Variants in SLC1A7 observed in about 807,000 individuals in gnomAD.
The protein encoded by SLC1A7 is excitatory amino acid transporter 5.
SLC1A7 carries 40 observed loss-of-function variants against 47.7 expected under a neutral mutation model. That is an observed-to-expected ratio of 0.84 (90% CI 0.65 to 1.09). SLC1A7 has a LOEUF of 1.09. Ranked by LOEUF, SLC1A7 falls within the 50% of genes least tolerant of loss-of-function variation. The pLI is 0.00. For synonymous variants in SLC1A7, 323 were observed against 325.6 expected (o/e 0.99, Z 0.09); for missense variants, 746 against 769.5 (o/e 0.97, Z 0.36).
intron 2 of SLC1A7, among the ~76,000 whole-genome samples, chr1:53,123,069 G>A (rs1644842307): frequency 6.6e-6 from 1 of 152,168 alleles, no homozygotes; most frequent in African/African-American, 2.4e-5. Context: ...GCTTGAACTG[G>A]ATCAAAAGCA....
rs866534556 is a variant in SLC1A7 at position 53,097,342 on chromosome 1, C to T, written c.698-3782G>A. 4.0e-5 allele frequency among the ~76,000 whole-genome samples: 6 copies of T among 150,822 alleles called. 1 individual carries two copies. Among genetic ancestry groups the T allele is most frequent in the Non-Finnish European group, 8.9e-5 (6 of 67,758 alleles). On this transcript the variant is annotated intron_variant, in intron 5 of 10. Coordinates refer to ENST00000371494, the MANE Select transcript of SLC1A7 (RefSeq NM_006671.6). ...TGCCTTGGTGCACTCACACAACCTG[C>T]CTCCGTGTACTCACACACACCCCCT... is the stretch of plus-strand genomic sequence containing the variant.
intron 5 of SLC1A7, among the ~76,000 whole-genome samples, chr1:53,099,951 A>G (rs1572309363): frequency 7.1e-6 from 1 of 139,902 alleles, no homozygotes; most frequent in African/African-American, 2.7e-5. Flanking sequence ...ACACCACACC[A>G]CCTCGTTATA....
intron 4 of SLC1A7, among the ~76,000 whole-genome samples, chr1:53,105,120 A>ATATATAAAT (rs1162368013): frequency 2.6e-5 from 4 of 152,238 alleles, no homozygotes; most frequent in Non-Finnish European, 4.4e-5. Flanking sequence ...ATTATTTAAA[A>ATATATAAAT]ATAAGCAGAA....
At chr1:53,107,301 TAAAG>T (rs1366532637) in intron 3 of SLC1A7, among the ~76,000 whole-genome samples, 1 of 148,732 alleles carries the variant, frequency 6.7e-6, no homozygotes, top group Admixed American at 6.7e-5. Context: ...TACATGAAAA[TAAAG>T]AAATCCCTAA....
rs41298519 is a variant in SLC1A7, at chr1:53,087,778, C to T, written c.*231G>A. On this transcript the variant is annotated 3_prime_UTR_variant, in exon 11 of 11. Transcript: ENST00000371494. ...GCTCACACCGGGGAAACTGTCACAG[C>T]GGGGCCTCAGGCAATGCCGGGCCCA... 1.9e-3 allele frequency: 680 copies of T among 363,000 alleles called. 3 individuals carry two copies. Among genetic ancestry groups the T allele is most frequent in the East Asian group, 1.7e-3 (43 of 25,430 alleles). 22.5% of individuals were successfully genotyped at this position (363,000 alleles called of 1,614,324 possible). A position where few individuals can be genotyped will look rare whatever the true frequency, so the allele number is the denominator to read the frequency against.
At chr1:53,114,548 C>T in intron 3 of SLC1A7, 1 of 589,884 alleles carries the variant, frequency 1.7e-6, no homozygotes, top group Non-Finnish European at 3.0e-6. Context: ...CAGAGAGGGG[C>T]AGACCCCGTC....
chr1:53,103,104 C>T, intron 5 of SLC1A7: 1 of 431,142 alleles, frequency 2.3e-6, no homozygotes, highest in South Asian at 4.7e-5. Context: ...GGCAGGGATG[C>T]CAGCTGCGGG....
intron 5 of SLC1A7, among the ~76,000 whole-genome samples, chr1:53,100,833 C>T (rs991326241): frequency 5.3e-5 from 8 of 150,022 alleles, no homozygotes; most frequent in South Asian, 2.1e-4. Context: ...CACATCACCT[C>T]GGTACACTGC....
chr1:53,105,544 G>A (rs1036451894), intron 4 of SLC1A7, among the ~76,000 whole-genome samples, 188 bp downstream of exon 4: 1 of 152,124 alleles, frequency 6.6e-6, no homozygotes, highest in Non-Finnish European at 1.5e-5. Context: ...CCCAGGACAG[G>A]GATGTGGCCA....
At position 53,097,273 on chromosome 1, in the gene SLC1A7, C is replaced by T. The variant is rs532873579; in HGVS notation, c.698-3713G>A. ...TTTTTCTCGGTACACTCACACACCC[C>T]GCCTTGGTACACTCACACAACCCAC... On this transcript the variant is annotated intron_variant, in intron 5 of 10. Coordinates refer to ENST00000371494, the MANE Select transcript of SLC1A7 (RefSeq NM_006671.6). 3.2e-3 allele frequency among the ~76,000 whole-genome samples: 474 copies of T among 148,980 alleles called. 3 individuals carry two copies. The highest frequency in any genetic ancestry group is 0.011 in the African/African-American group (453 of 40,154).
intron 9 of SLC1A7, 30 bp downstream of exon 9, chr1:53,089,770 G>A (rs751083102): frequency 1.2e-6 from 2 of 1,611,900 alleles, no homozygotes; most frequent in Admixed American, 3.3e-5. Context: ...CCCTCCCAGA[G>A]GGCTAGAGCT....
chr1:53,108,738 G>A (rs1644672168), intron 3 of SLC1A7: 2 of 692,766 alleles, frequency 2.9e-6, no homozygotes, highest in African/African-American at 3.6e-5. Flanking sequence ...GGAGGGCAGG[G>A]CCTGGGACCC....
chr1:53,097,765 A>G (rs61769975), intron 5 of SLC1A7, among the ~76,000 whole-genome samples: 86 of 130,008 alleles, frequency 6.6e-4, no homozygotes, highest in Non-Finnish European at 2.1e-4. Context: ...GTACACTCAC[A>G]CACAGCACCT....
At position 53,105,771 on chromosome 1, in the gene SLC1A7, G is replaced by C; in HGVS notation, c.435C>G (p.Asn145Lys). 6.2e-7 allele frequency: 1 copy of C among 1,613,244 alleles called. No individual in the cohort carries two copies. Among genetic ancestry groups the C allele is most frequent in the Non-Finnish European group, 8.5e-7 (1 of 1,179,410 alleles). ...CTTCTACTAGGTTGGCTGGGAACATGTTCCTAGGAAGAGAATCAGCAATTG... is the reference window on the plus strand; with the variant it reads ...CTTCTACTAGGTTGGCTGGGAACATCTTCCTAGGAAGAGAATCAGCAATTG... ...SADALLDLIR[N>K]MFPANLVEAT... The change falls in exon 4 of 11, where the codon AAC becomes AAG. Residue 145 changes from asparagine (N) to lysine (K), a missense_variant. Asn to Lys is a moderately conservative substitution (Grantham distance 94). Transcript: ENST00000371494.
chr1:53,101,257 A>T (rs139770610), intron 5 of SLC1A7, among the ~76,000 whole-genome samples: 1 of 141,350 alleles, frequency 7.1e-6, no homozygotes, highest in East Asian at 2.1e-4. Context: ...CGGTACACTC[A>T]CACACCCCAC....
chr1:53,100,480 TCA>T (rs1408181448), intron 5 of SLC1A7, among the ~76,000 whole-genome samples: 15 of 148,548 alleles, frequency 1.0e-4, no homozygotes, highest in African/African-American at 3.5e-4. Context: ...CTTGGTGCAC[TCA>T]CAAACGCTGC....
At position 53,088,955 on chromosome 1, in the gene SLC1A7, GT is replaced by G. The variant is rs1644390062; in HGVS notation, c.1385del (p.Asn462ThrfsTer37). The G allele has an allele frequency of 6.2e-7, 1 of 1,613,946 alleles. No individual in the cohort carries two copies. The highest frequency in any genetic ancestry group is 8.5e-7 in the Non-Finnish European group (1 of 1,179,998). On this transcript the variant is annotated frameshift_variant, in exon 10 of 11. Transcript: ENST00000371494. LOFTEE classifies it high-confidence loss of function. Reference protein sequence around the residue: ...WALDRFRTMINVLGDALAAGI... With the variant: ...WALDRFRTMIXVLGDALAAGI... ...CCGCTGCCAGCGCATCACCCAGCAC[GT>G]TAATCATGGTGCGGAAACGGTCCCT...
chr1:53,095,389 CAGTA>C (rs1044079404), intron 5 of SLC1A7, among the ~76,000 whole-genome samples: 2 of 152,142 alleles, frequency 1.3e-5, no homozygotes, highest in East Asian at 1.9e-4. Context: ...TGAGCATACA[CAGTA>C]AGCCACACCC....
intron 2 of SLC1A7, among the ~76,000 whole-genome samples, chr1:53,123,451 C>T (rs1346899038): frequency 1.3e-5 from 2 of 152,230 alleles, no homozygotes; most frequent in Non-Finnish European, 2.9e-5. Flanking sequence ...TGTGCCCACC[C>T]TGCCCGGTGT....
Sources: allele counts gnomAD v4.1 joint callset (sites outside exome capture counted in the v4.1 genomes callset), GRCh38; gene constraint gnomAD v4.1.1; transcripts MANE v1.5; gene names NCBI Gene and HGNC (gene_info 2026-07-23, HGNC 2026-07-21).